The following OLA1 variants were observed in gnomAD, a reference collection of about 807,000 sequenced individuals.
The protein encoded by OLA1 is obg-like ATPase 1.
A neutral mutation model predicts 48.4 loss-of-function variants in OLA1; 14 were observed. The observed-to-expected ratio is 0.29, with a 90% CI of 0.19 to 0.45. The LOEUF (loss-of-function observed/expected upper bound fraction) is 0.45, where lower values mean the gene tolerates loss of function less well. OLA1 is among the 20% of genes least tolerant of loss of function. OLA1 has a pLI of 1.00. For synonymous variants in OLA1, 127 were observed against 150.4 expected, an observed-to-expected ratio of 0.84 and a Z score of 1.14; for missense variants, 325 against 467.1, an observed-to-expected ratio of 0.70 and a Z score of 2.80.
intron 7 of OLA1, among the ~76,000 whole-genome samples, chr2:174,116,103 T>A (rs72920534): frequency 0.12 from 18,837 of 152,268 alleles, 2,470 homozygotes; most frequent in East Asian, 0.72. Context: ...CAGTTTTTTT[T>A]ACCAAGTTTT....
rs1435186454 is a variant in OLA1 at position 174,229,406 on chromosome 2, T to C, written c.147A>G (p.Ala49=). ...CAATAGTGCAGAACGGGAAGTTTTC[T>C]GCTGAAGCCTGACTATTGGTTAACA... ...FNVLTNSQAS[A]ENFPFCTIDP... Residue 49 remains alanine (A), a synonymous_variant, in exon 3 of 11, where the codon GCA becomes GCG. Transcript: ENST00000284719. 6.2e-7 allele frequency: 1 copy of C among 1,613,690 alleles called. No homozygotes were observed. The highest frequency in any genetic ancestry group is 2.2e-5 in the East Asian group (1 of 44,860).
chr2:174,135,656 C>T (rs1686293381), intron 5 of OLA1, among the ~76,000 whole-genome samples: 1 of 152,146 alleles, frequency 6.6e-6, no homozygotes, highest in Non-Finnish European at 1.5e-5. Context: ...ATTATGAGGA[C>T]TGAGAGTTCA....
chr2:174,159,485 C>A (rs1050669124), intron 4 of OLA1, among the ~76,000 whole-genome samples: 1 of 152,140 alleles, frequency 6.6e-6, no homozygotes, highest in African/African-American at 2.4e-5. Flanking sequence ...CAACACCATA[C>A]ACATGTGTGT....
intron 4 of OLA1, among the ~76,000 whole-genome samples, chr2:174,200,130 C>G (rs1222924869): frequency 6.6e-6 from 1 of 152,000 alleles, no homozygotes; most frequent in Non-Finnish European, 1.5e-5. Context: ...ATTATTAAGT[C>G]ATTTTAAAAA....
At chr2:174,081,853 A>G in intron 8 of OLA1, 71 bp downstream of exon 8, 4 of 1,393,668 alleles carry the variant, frequency 2.9e-6, no homozygotes, top group Non-Finnish European at 4.0e-6. Context: ...TTATTCTATC[A>G]GCGCAAGCAA....
At chr2:174,091,385 C>T (rs1400514735) in intron 7 of OLA1, among the ~76,000 whole-genome samples, 4 of 151,288 alleles carry the variant, frequency 2.6e-5, no homozygotes, top group East Asian at 3.9e-4. Flanking sequence ...TGGGTTTCTG[C>T]ATAAGATTTT....
chr2:174,152,809 T>A (rs1190354328), intron 4 of OLA1, among the ~76,000 whole-genome samples: 1 of 152,238 alleles, frequency 6.6e-6, no homozygotes, highest in Non-Finnish European at 1.5e-5. Flanking sequence ...CTTAAGTCTT[T>A]AATATTTGTT....
rs139603136 is a variant in OLA1, at chr2:174,200,632, C to T, written c.373+22401G>A. ...TATGGATAACTGCAATGGACGGACA[C>T]ATAACAAATGTTTAAACCCAGGAGG... is the stretch of plus-strand genomic sequence containing the variant. On this transcript the variant is annotated intron_variant, in intron 4 of 10. Coordinates refer to ENST00000284719, the MANE Select transcript of OLA1 (RefSeq NM_013341.5). Among the ~76,000 whole-genome samples the T allele has an allele frequency of 7.6e-3, 1,154 of 152,220 alleles. 20 individuals carry two copies. The highest frequency in any genetic ancestry group is 0.025 in the African/African-American group (1,058 of 41,532).
At chr2:174,081,689 T>C (rs1684857065) in intron 8 of OLA1, among the ~76,000 whole-genome samples, 1 of 152,078 alleles carries the variant, frequency 6.6e-6, no homozygotes, top group South Asian at 2.1e-4. Flanking sequence ...TTCTCAAAAA[T>C]ATACATAACT....
intron 7 of OLA1, among the ~76,000 whole-genome samples, chr2:174,104,257 T>C (rs1328032029): frequency 1.3e-5 from 2 of 152,064 alleles, no homozygotes; most frequent in African/African-American, 4.8e-5. Context: ...AACACTTTTG[T>C]CTTTTTTAAA....
intron 2 of OLA1, among the ~76,000 whole-genome samples, chr2:174,230,583 A>G (rs764481372): frequency 3.9e-5 from 6 of 152,218 alleles, no homozygotes; most frequent in Non-Finnish European, 7.3e-5. Flanking sequence ...ATCATCTGTC[A>G]TCTTAATCTG....
intron 4 of OLA1, among the ~76,000 whole-genome samples, chr2:174,168,895 C>A (rs533569419): frequency 2.0e-5 from 3 of 151,000 alleles, no homozygotes; most frequent in Non-Finnish European, 4.4e-5. Context: ...ACACAGAAGA[C>A]AGAATAAAAA....
intron 4 of OLA1, among the ~76,000 whole-genome samples, chr2:174,191,335 T>G (rs1687773373): frequency 6.6e-6 from 1 of 152,190 alleles, no homozygotes; most frequent in Non-Finnish European, 1.5e-5. Flanking sequence ...ACAATAACAC[T>G]TTCTCCTTTA....
rs140066948 is a variant in OLA1, at chr2:174,209,849, A to G, written c.373+13184T>C. Among the ~76,000 whole-genome samples the G allele has an allele frequency of 5.5e-3, 841 of 152,340 alleles. 8 individuals are homozygous for G. Among genetic ancestry groups the G allele is most frequent in the African/African-American group, 0.019 (805 of 41,578 alleles). ...TGGGATCTATCCTTCAGAACTATTCACATAAGTTTGCAAAAGAATAACGTG... is the reference window on the plus strand; with the variant it reads ...TGGGATCTATCCTTCAGAACTATTCGCATAAGTTTGCAAAAGAATAACGTG... On this transcript the variant is annotated intron_variant, in intron 4 of 10. Coordinates refer to ENST00000284719, the MANE Select transcript of OLA1 (RefSeq NM_013341.5).
intron 4 of OLA1, among the ~76,000 whole-genome samples, chr2:174,161,803 C>T (rs538919504): frequency 2.0e-5 from 3 of 151,904 alleles, no homozygotes; most frequent in Non-Finnish European, 4.4e-5. Context: ...TGTACTAGAC[C>T]ACATCTAGAT....
At chr2:174,184,685 A>G (rs2105416760) in intron 4 of OLA1, among the ~76,000 whole-genome samples, 1 of 152,314 alleles carries the variant, frequency 6.6e-6, no homozygotes, top group East Asian at 1.9e-4. Context: ...AAATGATAAC[A>G]TAAGAGGGAA....
At chr2:174,226,198 C>CAAAAAA (rs532536178) in intron 3 of OLA1, among the ~76,000 whole-genome samples, 1 of 83,630 alleles carries the variant, frequency 1.2e-5, no homozygotes. Context: ...GACTCCGTCT[C>CAAAAAA]AAAAAAAAAA....
At chr2:174,232,639 T>A (rs1489074300) in intron 2 of OLA1, among the ~76,000 whole-genome samples, 1 of 152,002 alleles carries the variant, frequency 6.6e-6, no homozygotes, top group African/African-American at 2.4e-5. Context: ...ACTAGAGAAA[T>A]GCAAATCAAA....
intron 10 of OLA1, among the ~76,000 whole-genome samples, chr2:174,076,961 C>T (rs1195529297): frequency 6.6e-6 from 1 of 151,968 alleles, no homozygotes; most frequent in Non-Finnish European, 1.5e-5. Context: ...ATTGACATGA[C>T]ATATTAATGT....
Sources: allele counts gnomAD v4.1 joint callset (sites outside exome capture counted in the v4.1 genomes callset), GRCh38; gene constraint gnomAD v4.1.1; transcripts MANE v1.5; gene names NCBI Gene and HGNC (gene_info 2026-07-23, HGNC 2026-07-21).